The following CREB3L4 variants were observed in gnomAD, a reference collection of about 807,000 sequenced individuals.
CREB3L4 encodes cyclic AMP-responsive element-binding protein 3-like protein 4.
In CREB3L4, 28 loss-of-function variants were observed where a neutral mutation model predicts 37.0. That is an observed-to-expected ratio of 0.76 (90% CI 0.56 to 1.04). CREB3L4 has a LOEUF of 1.04. Among genes scored for constraint, CREB3L4 ranks in the 50% least tolerant of loss-of-function variants. The pLI, the probability that CREB3L4 is intolerant of heterozygous loss-of-function variation, is 0.00. For synonymous variants in CREB3L4, 175 were observed against 192.2 expected (o/e 0.91, Z 0.74); for missense variants, 462 against 486.0 (o/e 0.95, Z 0.46).
At chr1:153,972,885 C>T in intron 5 of CREB3L4, 49 bp downstream of exon 5, 2 of 1,600,246 alleles carry the variant, frequency 1.2e-6, no homozygotes, top group South Asian at 1.1e-5. Flanking sequence ...CTCACCATGA[C>T]CTCTGAGGGG....
Position 153,973,936 on chromosome 1 carries a change from G to T in CREB3L4, c.1059G>T (p.Glu353Asp), listed in dbSNP as rs748298138. Residue 353 changes from glutamate to aspartate, a missense_variant, in exon 10 of 10, where the codon GAG becomes GAT. Glu to Asp is a conservative substitution (Grantham distance 45). Coordinates refer to ENST00000368607, the MANE Select transcript of CREB3L4 (RefSeq NM_001255978.2). ...AAAATCTGGAGACCCAAGTGGTAGAGTCCAGACTGAGGGAGCCACCTGGAG... is the reference window on the plus strand; with the variant it reads ...AAAATCTGGAGACCCAAGTGGTAGATTCCAGACTGAGGGAGCCACCTGGAG... ...VTENLETQVV[E>D]SRLREPPGAK... is the part of the protein sequence containing the mutation. 6.2e-6 allele frequency: 10 copies of T among 1,614,076 alleles called. No homozygotes were observed. Among genetic ancestry groups the T allele is most frequent in the African/African-American group, 2.7e-5 (2 of 74,940 alleles).
intron 6 of CREB3L4, 23 bp from the exon 7 acceptor site, chr1:153,973,172 T>C (rs779061906): frequency 1.2e-6 from 2 of 1,613,918 alleles, no homozygotes; most frequent in Non-Finnish European, 1.7e-6. Context: ...TGCTGAGCCT[T>C]GTCCTACCTC....
At chr1:153,971,587 C>CTTTT (rs55930906) in intron 4 of CREB3L4, among the ~76,000 whole-genome samples, 40 of 107,442 alleles carry the variant, frequency 3.7e-4, no homozygotes, top group South Asian at 6.5e-4. Context: ...TTTTCTTTTT[C>CTTTT]TTTTTTTTTT....
chr1:153,974,344 A>C lies in CREB3L4; in HGVS notation c.*279A>C, dbSNP rs1345831567. The C allele has an allele frequency of 4.6e-6, 2 of 432,260 alleles. No individual in the cohort carries two copies. The highest frequency in any genetic ancestry group is 4.1e-6 in the Non-Finnish European group (1 of 242,122). 26.8% of individuals were successfully genotyped at this position (432,260 alleles called of 1,614,324 possible). ...GGAAATAAGTTTTGAGTGAGAAATA[A>C]ACGTTTTAGCTGAAATTGTATCCCA... On this transcript the variant is annotated 3_prime_UTR_variant, in exon 10 of 10. Transcript: ENST00000368607.
In CREB3L4 at chr1:153,973,601, TC is replaced by T. The variant is rs750136505; in HGVS notation, c.898-17del. 1 of 1,604,556 alleles carries T rather than the reference TC, an allele frequency of 6.2e-7. No homozygotes were observed. ...TCTACCCCCTGCTCCCTTCATCTGTTCCTCTTGCTTCCTCCCAGATTCTTCT... is the reference window on the plus strand; with the variant it reads ...TCTACCCCCTGCTCCCTTCATCTGTTCTCTTGCTTCCTCCCAGATTCTTCT... On this transcript the variant is annotated intron_variant, in intron 8 of 9. Transcript: ENST00000368607.
intron 4 of CREB3L4, 115 bp from the exon 5 acceptor site, chr1:153,972,629 G>C: frequency 1.3e-6 from 1 of 745,796 alleles, no homozygotes; most frequent in Non-Finnish European, 2.2e-6. Context: ...GATTAAAGTT[G>C]TCTCCCAGTG....
rs951373989 is a variant in CREB3L4 at position 153,974,085 on chromosome 1, G to A, written c.*20G>A. On this transcript the variant is annotated 3_prime_UTR_variant, in exon 10 of 10. Transcript: ENST00000368607. ...ATGTGAGCTGGAACAGACCTTCCTG[G>A]CCCACTTCCTGATCACAAGGAATCC... 4 of 1,603,980 alleles carry A rather than the reference G, an allele frequency of 2.5e-6. No individual in the cohort carries two copies. Among genetic ancestry groups the A allele is most frequent in the African/African-American group, 2.7e-5 (2 of 74,676 alleles).
At chr1:153,973,760 G>A in intron 9 of CREB3L4, 44 bp downstream of exon 9, 6 of 1,554,384 alleles carry the variant, frequency 3.9e-6, no homozygotes, top group Non-Finnish European at 5.3e-6. Context: ...GAGCAAGGGA[G>A]GGGGACTCTG....
intron 8 of CREB3L4, 51 bp downstream of exon 8, chr1:153,973,515 C>A (rs1225406274): frequency 8.2e-6 from 13 of 1,580,694 alleles, no homozygotes; most frequent in South Asian, 1.1e-5. Flanking sequence ...TATCCTTATA[C>A]CCCGACTACC....
In CREB3L4 at chr1:153,973,716, G is replaced by C; in HGVS notation, c.994G>C (p.Val332Leu). The change falls in exon 9 of 10, where the codon GTG (valine) becomes CTG (leucine). Residue 332 changes from valine (V) to leucine (L), a missense_variant and splice_region_variant. Val to Leu is a conservative substitution (Grantham distance 32, BLOSUM62 1). Coordinates refer to ENST00000368607, the MANE Select transcript of CREB3L4 (RefSeq NM_001255978.2). ...AGSEDYQPHG[V>L]TSRNILTHKD... is the part of the protein sequence containing the mutation. The stretch of plus-strand genomic sequence containing the variant: ...GTCTGAGGATTACCAGCCTCACGGA[G>C]GTGAGAGGCAAGGGCAGGGAGCAAC... 1.3e-6 allele frequency: 2 copies of C among 1,597,380 alleles called. No homozygotes were observed. Among genetic ancestry groups the C allele is most frequent in the South Asian group, 2.2e-5 (2 of 89,270 alleles).
chr1:153,968,325 G>A (rs1192972709), intron 1 of CREB3L4, 161 bp downstream of exon 1: 3 of 556,972 alleles, frequency 5.4e-6, no homozygotes, highest in African/African-American at 3.8e-5. Context: ...TGCTTGGGGG[G>A]GGCCTCTTTG....
chr1:153,967,793 C>G (rs1647903892), upstream of CREB3L4: 1 of 152,262 alleles, frequency 6.6e-6, no homozygotes, highest in Non-Finnish European at 1.5e-5. Context: ...TGTCCTGCCC[C>G]TCCGAAACCT....
chr1:153,970,592 G>A (rs960274322), intron 4 of CREB3L4, among the ~76,000 whole-genome samples: 7 of 152,140 alleles, frequency 4.6e-5, no homozygotes, highest in Admixed American at 3.9e-4. Flanking sequence ...CCAAGGCTGG[G>A]TAAAGAGGGG....
chr1:153,973,678 G>T lies in CREB3L4; in HGVS notation c.956G>T (p.Arg319Leu). Residue 319 changes from arginine to leucine, a missense_variant, in exon 9 of 10, where the codon CGA becomes CTA. Transcript: ENST00000368607. The part of the protein sequence containing the change: ...ILPSFSPFQS[R>L]PEAGSEDYQP... ...CCCAGCTTCAGTCCATTCCAGAGTC[G>T]ACCAGAAGCTGGGTCTGAGGATTAC... 1 of 1,608,650 alleles carries T rather than the reference G, an allele frequency of 6.2e-7. No homozygotes were observed. The highest frequency in any genetic ancestry group is 1.1e-5 in the South Asian group (1 of 90,120).
chr1:153,968,243 AAAAGG>A, intron 1 of CREB3L4, 79 bp downstream of exon 1: 1 of 266,066 alleles, frequency 3.8e-6, no homozygotes, highest in Non-Finnish European at 7.1e-6. Flanking sequence ...TGGAAGAAAG[AAAAGG>A]TGTAGTGTTT....
intron 4 of CREB3L4, among the ~76,000 whole-genome samples, chr1:153,970,362 T>C (rs1050697059): frequency 6.6e-6 from 1 of 152,166 alleles, no homozygotes; most frequent in Non-Finnish European, 1.5e-5. Context: ...TTTGCATGCA[T>C]TGTATTCTTA....
chr1:153,970,313 G>A (rs1557883734), intron 4 of CREB3L4, among the ~76,000 whole-genome samples: 1 of 152,188 alleles, frequency 6.6e-6, no homozygotes, highest in Non-Finnish European at 1.5e-5. Context: ...AAGGTGGGGT[G>A]AGGGAATCTG....
chr1:153,969,615 AT>A, intron 4 of CREB3L4, 160 bp downstream of exon 4: 2 of 749,972 alleles, frequency 2.7e-6, no homozygotes, highest in Non-Finnish European at 4.2e-6. Flanking sequence ...CAGTTGAACT[AT>A]TTTTTATTTT....
Position 153,974,004 on chromosome 1 carries a change from T to C in CREB3L4, c.1127T>C (p.Met376Thr), listed in dbSNP as rs764666056. The C allele has an allele frequency of 1.3e-5, 21 of 1,613,970 alleles. No homozygotes were observed. Among genetic ancestry groups the C allele is most frequent in the Non-Finnish European group, 1.8e-5 (21 of 1,180,030 alleles). The change falls in exon 10 of 10, where the codon ATG (methionine) becomes ACG (threonine). Residue 376 changes from methionine (M) to threonine (T), a missense_variant. Physicochemically the swap from Met to Thr is moderately conservative, Grantham distance 81. Coordinates refer to ENST00000368607, the MANE Select transcript of CREB3L4 (RefSeq NM_001255978.2). Reference sequence around the variant, plus strand: ...TCAACAAGGACACTGCTTGAGAAGATGGGAGGGAAGCCAAGACCCAGTGGG... The same window carrying C: ...TCAACAAGGACACTGCTTGAGAAGACGGGAGGGAAGCCAAGACCCAGTGGG... ...NGSTRTLLEK[M>T]GGKPRPSGRI...
Sources: allele counts gnomAD v4.1 joint callset (sites outside exome capture counted in the v4.1 genomes callset), GRCh38; gene constraint gnomAD v4.1.1; transcripts MANE v1.5; gene names NCBI Gene and HGNC (gene_info 2026-07-23, HGNC 2026-07-21).